The following DLGAP2 variants were observed in gnomAD, a reference collection of about 807,000 sequenced individuals.
DLGAP2 encodes the protein DLG associated protein 2.
DLGAP2 carries 26 observed loss-of-function variants against 100.3 expected under a neutral mutation model. The ratio of observed to expected loss-of-function variants is 0.26; its 90% CI spans 0.19 to 0.36. The LOEUF (loss-of-function observed/expected upper bound fraction) is 0.36, where lower values mean the gene tolerates loss of function less well. DLGAP2 is among the 10% of genes least tolerant of loss of function. The pLI is 1.00. For missense variants in DLGAP2, 1,858 were observed against 1,453.2 expected (o/e 1.28, Z -4.53); for synonymous variants, 886 against 630.1 (o/e 1.41, Z -6.08).
rs145225033 is a variant in DLGAP2 at position 1,422,263 on chromosome 8, G to A, written c.107-79103G>A. ...GTTATGGAATATGGAAAAGATACCA[G>A]AAGACCAGGGATAGAAAAATGTCAT... On this transcript the variant is annotated intron_variant, in intron 3 of 14. Transcript: ENST00000637795. Among the ~76,000 whole-genome samples the A allele has an allele frequency of 4.2e-4, 64 of 152,296 alleles. 1 individual carries two copies. Among genetic ancestry groups the A allele is most frequent in the Non-Finnish European group, 5.1e-4 (35 of 68,026 alleles).
chr8:988,254 CAG>C (rs1170668184), intron 2 of DLGAP2, among the ~76,000 whole-genome samples: 1 of 152,174 alleles, frequency 6.6e-6, no homozygotes, highest in Non-Finnish European at 1.5e-5. Flanking sequence ...AGATGCAAAA[CAG>C]AATTTTATAA....
intron 3 of DLGAP2, among the ~76,000 whole-genome samples, chr8:1,349,660 G>A (rs1294121657): frequency 1.2e-5 from 1 of 83,894 alleles, no homozygotes; most frequent in African/African-American, 3.8e-5. Context: ...GTAGGAAGGG[G>A]TGTTTGAGGG....
intron 2 of DLGAP2, among the ~76,000 whole-genome samples, chr8:1,152,768 A>G (rs932081853): frequency 3.3e-5 from 5 of 152,194 alleles, no homozygotes; most frequent in Non-Finnish European, 7.3e-5. Context: ...GCTAACGGCT[A>G]TGTCTAAAAC....
Position 1,678,337 on chromosome 8 carries a change from G to T in DLGAP2, c.2412G>T (p.Gln804His). The change falls in exon 12 of 15, where the codon CAG (glutamine) becomes CAT (histidine). Residue 804 changes from glutamine to histidine, a missense_variant. Gln to His is a conservative substitution (Grantham distance 24). Transcript: ENST00000637795. The stretch of plus-strand genomic sequence containing the variant: ...GCCTTCAGTTCGGCTCATCCTTCCA[G>T]CGGCACTCCGAGCCCAGCACCCCCA... ...DKGLQFGSSF[Q>H]RHSEPSTPTQ... is the part of the protein sequence containing the mutation. The T allele has an allele frequency of 1.9e-6, 3 of 1,614,014 alleles. No homozygotes were observed. The highest frequency in any genetic ancestry group is 1.3e-5 in the African/African-American group (1 of 75,044).
At chr8:1,366,962 A>ATC (rs987739393) in intron 3 of DLGAP2, among the ~76,000 whole-genome samples, 9 of 151,970 alleles carry the variant, frequency 5.9e-5, no homozygotes, top group Admixed American at 5.9e-4. Flanking sequence ...CAACCCCTCC[A>ATC]ACACACACGC....
At chr8:1,659,795 C>A (rs1798368212) in intron 8 of DLGAP2, among the ~76,000 whole-genome samples, 1 of 152,112 alleles carries the variant, frequency 6.6e-6, no homozygotes, top group African/African-American at 2.4e-5. Flanking sequence ...ACTCTTTATC[C>A]AGTTTGCCAT....
chr8:1,345,345 T>G (rs780745308), intron 3 of DLGAP2, among the ~76,000 whole-genome samples: 15 of 152,204 alleles, frequency 9.9e-5, no homozygotes, highest in Non-Finnish European at 1.9e-4. Flanking sequence ...CCAAACACAC[T>G]TGTTAGATTT....
intron 6 of DLGAP2, among the ~76,000 whole-genome samples, chr8:1,602,776 A>G (rs1796669806): frequency 1.3e-5 from 2 of 152,330 alleles, no homozygotes; most frequent in South Asian, 4.1e-4. Flanking sequence ...ATGCTCCCCA[A>G]TGTCGTGGGC....
chr8:1,428,647 G>A (rs1797306448), intron 3 of DLGAP2, among the ~76,000 whole-genome samples: 1 of 152,332 alleles, frequency 6.6e-6, no homozygotes, highest in African/African-American at 2.4e-5. Context: ...TAATAAATAT[G>A]CATGTGCCCA....
At chr8:1,244,514 C>T (rs1798864761) in intron 2 of DLGAP2, among the ~76,000 whole-genome samples, 1 of 152,152 alleles carries the variant, frequency 6.6e-6, no homozygotes. Flanking sequence ...GCTGCCTCAC[C>T]AAAGGGTCAA....
In DLGAP2 at chr8:1,033,837, G is replaced by A. The variant is rs1451298533; in HGVS notation, c.73+125871G>A. On this transcript the variant is annotated intron_variant, in intron 2 of 14. Coordinates refer to ENST00000637795, the MANE Select transcript of DLGAP2 (RefSeq NM_001346810.2). ...GCGAGTGGATTCACACGCTCATCCC[G>A]GCCCCGCGTGTCACCGCGAGTGGGT... 3.6e-5 allele frequency among the ~76,000 whole-genome samples: 5 copies of A among 140,670 alleles called. No individual in the cohort carries two copies. The East Asian group carries it at 6.7e-4, about 19-fold the overall frequency. 92.3% of individuals were successfully genotyped at this position (140,670 alleles called of 152,430 possible).
chr8:1,344,149 C>T (rs1281347245), intron 3 of DLGAP2, among the ~76,000 whole-genome samples: 3 of 151,332 alleles, frequency 2.0e-5, no homozygotes, highest in Non-Finnish European at 3.0e-5. Flanking sequence ...TACTCGGGGC[C>T]CTGTCGTGGG....
intron 2 of DLGAP2, chr8:1,250,440 C>G (rs1240385184): frequency 2.0e-5 from 3 of 152,116 alleles, no homozygotes; most frequent in Non-Finnish European, 4.4e-5. Flanking sequence ...ACACTAGGAC[C>G]GTGGTAGATG....
chr8:1,493,821 G>T (rs1405000711), intron 3 of DLGAP2, among the ~76,000 whole-genome samples: 2 of 152,224 alleles, frequency 1.3e-5, no homozygotes, highest in African/African-American at 4.8e-5. Flanking sequence ...GGTGGACGCG[G>T]CACGACCCTG....
chr8:1,480,748 C>A (rs1799068128), intron 3 of DLGAP2, among the ~76,000 whole-genome samples: 1 of 151,694 alleles, frequency 6.6e-6, no homozygotes, highest in Non-Finnish European at 1.5e-5. Context: ...TGCCTATAAT[C>A]CCAGCTGCTT....
intron 8 of DLGAP2, among the ~76,000 whole-genome samples, chr8:1,648,540 A>C (rs1798093644): frequency 1.3e-5 from 2 of 152,150 alleles, no homozygotes; most frequent in African/African-American, 4.8e-5. Context: ...CCTCCTGGTC[A>C]TAGGCCATTG....
At chr8:838,489 A>C (rs1796923346) in intron 1 of DLGAP2, among the ~76,000 whole-genome samples, 1 of 152,152 alleles carries the variant, frequency 6.6e-6, no homozygotes, top group East Asian at 1.9e-4. Flanking sequence ...CTGTACATTG[A>C]TAATATATGG....
At chr8:1,503,249 CTG>C (rs1348685638) in intron 4 of DLGAP2, among the ~76,000 whole-genome samples, 1 of 152,180 alleles carries the variant, frequency 6.6e-6, no homozygotes, top group Non-Finnish European at 1.5e-5. Flanking sequence ...TTTTCCTCTT[CTG>C]CAAGTAAAAC....
intron 1 of DLGAP2, among the ~76,000 whole-genome samples, chr8:820,808 A>G (rs921240080): frequency 1.3e-5 from 2 of 152,206 alleles, no homozygotes; most frequent in Admixed American, 6.5e-5. Context: ...GAGATAACCT[A>G]AATACTCAAG....
Sources: gnomAD v4.1 joint callset for allele counts (sites outside exome capture counted in the v4.1 genomes callset) on GRCh38, gnomAD v4.1.1 for gene constraint, MANE v1.5 for transcripts, NCBI Gene and HGNC (gene_info 2026-07-23, HGNC 2026-07-21) for gene names.